The following PTER variants were observed in gnomAD, a reference collection of about 807,000 sequenced individuals.
PTER encodes the protein phosphotriesterase related.
PTER carries 38 observed loss-of-function variants against 29.6 expected under a neutral mutation model. That is an observed-to-expected ratio of 1.28 (90% CI 0.99 to 1.68). The LOEUF is 1.68. Among genes scored for constraint, PTER ranks in the 40% most tolerant of loss-of-function variants. The probability of loss-of-function intolerance (pLI) is 0.00; values close to 1 mark genes in which losing one functional copy is unlikely to be tolerated. For synonymous variants in PTER, 172 were observed against 154.5 expected (o/e 1.11, Z -0.84); for missense variants, 482 against 427.8 (o/e 1.13, Z -1.12).
intron 1 of PTER, among the ~76,000 whole-genome samples, chr10:16,479,136 C>A (rs113266550): frequency 7.9e-5 from 12 of 151,754 alleles, no homozygotes; most frequent in Non-Finnish European, 1.5e-4. Flanking sequence ...TTTCCTCCAA[C>A]GACAAGCTGC....
chr10:16,464,868 T>C (rs1834751027), intron 1 of PTER, among the ~76,000 whole-genome samples: 1 of 152,170 alleles, frequency 6.6e-6, no homozygotes, highest in Admixed American at 6.5e-5. Flanking sequence ...TTTAATTGAC[T>C]CACTGTTCCA....
At chr10:16,500,123 G>A (rs965580899) in intron 3 of PTER, among the ~76,000 whole-genome samples, 4 of 151,904 alleles carry the variant, frequency 2.6e-5, no homozygotes, top group Non-Finnish European at 4.4e-5. Flanking sequence ...CTCCCCTCAC[G>A]TGTGATCATG....
chr10:16,464,763 A>G (rs1244108381), intron 1 of PTER, among the ~76,000 whole-genome samples: 1 of 152,134 alleles, frequency 6.6e-6, no homozygotes, highest in African/African-American at 2.4e-5. Flanking sequence ...GTCCACACCG[A>G]TCTCACAGGG....
At chr10:16,496,388 A>G (rs984449006) in intron 3 of PTER, among the ~76,000 whole-genome samples, 1 of 152,166 alleles carries the variant, frequency 6.6e-6, no homozygotes, top group African/African-American at 2.4e-5. Flanking sequence ...TATTCCCAGT[A>G]TGCACACAGT....
chr10:16,452,694 C>T (rs1045017670), intron 1 of PTER, among the ~76,000 whole-genome samples: 2 of 151,708 alleles, frequency 1.3e-5, no homozygotes, highest in African/African-American at 4.8e-5. Flanking sequence ...TTCTCCTTCT[C>T]CTTCTCCTTC....
chr10:16,466,137 T>C (rs529845365), intron 1 of PTER, among the ~76,000 whole-genome samples: 7 of 152,244 alleles, frequency 4.6e-5, no homozygotes, highest in African/African-American at 1.7e-4. Context: ...AAACAAAATC[T>C]AGTTACAAGT....
intron 4 of PTER, among the ~76,000 whole-genome samples, chr10:16,509,810 G>A (rs953155261): frequency 9.2e-5 from 14 of 152,132 alleles, no homozygotes; most frequent in Admixed American, 6.5e-4. Flanking sequence ...GGACAGGCAT[G>A]GTTCTTCTCT....
intron 1 of PTER, 96 bp downstream of exon 1, chr10:16,437,143 C>G (rs1237723154): frequency 6.6e-6 from 1 of 152,370 alleles, no homozygotes; most frequent in Non-Finnish European, 1.5e-5. Context: ...GGGTTCGCTG[C>G]AGAGCTCCAC....
intron 1 of PTER, among the ~76,000 whole-genome samples, chr10:16,480,192 C>T (rs1227994311): frequency 1.0e-5 from 1 of 100,218 alleles, no homozygotes; most frequent in African/African-American, 6.2e-5. Context: ...TTGACTATAG[C>T]ATTTTTTTTT....
rs779273798 is a variant in PTER at position 16,505,131 on chromosome 10, C to T, written c.810C>T (p.Asp270=). 1 of 1,613,978 alleles carries T rather than the reference C, an allele frequency of 6.2e-7. No individual in the cohort carries two copies. The highest frequency in any genetic ancestry group is 8.5e-7 in the Non-Finnish European group (1 of 1,179,918). The change falls in exon 4 of 5, where the codon GAC becomes GAT. Residue 270 remains aspartate (D), a synonymous_variant. Coordinates refer to ENST00000535784, the MANE Select transcript of PTER (RefSeq NM_001261836.2). ...LLHYQLGPDI[D]MPDDNKRIRR... ...ATTACCAACTCGGCCCAGATATTGA[C>T]ATGCCTGATGATAACAAAAGAATTA...
chr10:16,483,440 A>G (rs1375524178), intron 1 of PTER, among the ~76,000 whole-genome samples: 1 of 152,184 alleles, frequency 6.6e-6, no homozygotes, highest in Admixed American at 6.5e-5. Flanking sequence ...GGCATATTCT[A>G]TGAAGTCGTG....
At chr10:16,478,119 A>G (rs1217070256) in intron 1 of PTER, among the ~76,000 whole-genome samples, 2 of 152,246 alleles carry the variant, frequency 1.3e-5, no homozygotes, top group East Asian at 1.9e-4. Context: ...TTCTCAAGGC[A>G]TTGAGTGTGG....
chr10:16,505,020 G>A lies in PTER; in HGVS notation c.699G>A (p.Arg233=), dbSNP rs766357131. 1 of 1,613,758 alleles carries A rather than the reference G, an allele frequency of 6.2e-7. No homozygotes were observed. ...ISKTVMSHLD[R]TILDKKELLE... ...AGTTCATCTGTCGCATTGTTTCTAGGACTATTCTTGATAAGAAAGAGCTCT... is the reference window on the plus strand; with the variant it reads ...AGTTCATCTGTCGCATTGTTTCTAGAACTATTCTTGATAAGAAAGAGCTCT... Residue 233 remains arginine (R), a splice_region_variant and synonymous_variant, in exon 4 of 5, where the codon AGG becomes AGA. Coordinates refer to ENST00000535784, the MANE Select transcript of PTER (RefSeq NM_001261836.2).
At chr10:16,439,398 C>T (rs375750446) in intron 1 of PTER, among the ~76,000 whole-genome samples, 1 of 152,158 alleles carries the variant, frequency 6.6e-6, no homozygotes, top group Middle Eastern at 3.4e-3. Flanking sequence ...AATTTTGAGC[C>T]AAATAGAAGC....
intron 1 of PTER, among the ~76,000 whole-genome samples, chr10:16,450,784 A>G (rs1834178093): frequency 1.3e-5 from 2 of 152,310 alleles, no homozygotes; most frequent in South Asian, 4.1e-4. Context: ...GTAGCAACCA[A>G]CCAACTTTAT....
intron 4 of PTER, among the ~76,000 whole-genome samples, chr10:16,509,628 G>A (rs536812862): frequency 3.3e-5 from 5 of 152,248 alleles, no homozygotes; most frequent in African/African-American, 1.2e-4. Flanking sequence ...AGTATTGTGT[G>A]TGCATTCTGT....
At chr10:16,438,952 T>C (rs976131373) in intron 1 of PTER, among the ~76,000 whole-genome samples, 2 of 150,730 alleles carry the variant, frequency 1.3e-5, no homozygotes, top group African/African-American at 4.9e-5. Context: ...AAGTGGTCTC[T>C]AGGTCGCTAG....
At chr10:16,445,707 C>T (rs1347553049) in intron 1 of PTER, among the ~76,000 whole-genome samples, 2 of 152,204 alleles carry the variant, frequency 1.3e-5, no homozygotes, top group African/African-American at 4.8e-5. Context: ...TGCACTGATG[C>T]ACCATGCGTG....
chr10:16,517,727 G>C (rs187882157), downstream of PTER, among the ~76,000 whole-genome samples: 2 of 152,266 alleles, frequency 1.3e-5, no homozygotes, highest in East Asian at 3.9e-4. Flanking sequence ...AGGTTTCATA[G>C]TTTTAGCATT....
Sources: allele counts gnomAD v4.1 joint callset (sites outside exome capture counted in the v4.1 genomes callset), GRCh38; gene constraint gnomAD v4.1.1; transcripts MANE v1.5; gene names NCBI Gene and HGNC (gene_info 2026-07-23, HGNC 2026-07-21).